Variants in KCNIP4 observed in about 807,000 individuals in gnomAD.
KCNIP4 encodes the protein potassium voltage-gated channel interacting protein 4, also known as Kv channel-interacting protein 4.
In KCNIP4, 12 loss-of-function variants were observed where a neutral mutation model predicts 34.0. That is an observed-to-expected ratio of 0.35 (90% CI 0.23 to 0.57). The LOEUF (loss-of-function observed/expected upper bound fraction) is 0.57, where lower values mean the gene tolerates loss of function less well. KCNIP4 is among the 20% of genes least tolerant of loss of function. The pLI is 0.83. For missense variants in KCNIP4, 238 were observed against 311.7 expected (o/e 0.76, Z 1.78); for synonymous variants, 124 against 102.2 (o/e 1.21, Z -1.29).
intron 1 of KCNIP4, among the ~76,000 whole-genome samples, chr4:21,108,813 G>A (rs28885732): frequency 0.29 from 43,907 of 151,528 alleles, 7,045 homozygotes; most frequent in African/African-American, 0.44. Flanking sequence ...TTTTCCTTCT[G>A]ACAGACAGGA....
At chr4:21,178,461 G>T (rs542391865) in intron 1 of KCNIP4, among the ~76,000 whole-genome samples, 1 of 151,866 alleles carries the variant, frequency 6.6e-6, no homozygotes, top group African/African-American at 2.4e-5. Flanking sequence ...TTCACATGAA[G>T]GTAGTGGATT....
intron 1 of KCNIP4, among the ~76,000 whole-genome samples, chr4:21,719,212 G>T (rs979454596): frequency 6.6e-6 from 1 of 152,130 alleles, no homozygotes; most frequent in Non-Finnish European, 1.5e-5. Flanking sequence ...TAAGTAAGGA[G>T]AAGGAAAAGG....
chr4:21,058,604 T>C (rs1025798471), intron 1 of KCNIP4, among the ~76,000 whole-genome samples: 2 of 152,276 alleles, frequency 1.3e-5, no homozygotes, highest in African/African-American at 4.8e-5. Flanking sequence ...GGAAGAGGAC[T>C]GAGTCAATGT....
intron 1 of KCNIP4, among the ~76,000 whole-genome samples, chr4:21,503,358 A>G (rs1027201247): frequency 2.0e-5 from 3 of 152,218 alleles, no homozygotes; most frequent in Admixed American, 2.0e-4. Context: ...GCAAGCAAGT[A>G]CCTTACATAA....
chr4:20,855,037 G>T (rs1339034290), intron 2 of KCNIP4, among the ~76,000 whole-genome samples: 1 of 152,172 alleles, frequency 6.6e-6, no homozygotes, highest in Non-Finnish European at 1.5e-5. Flanking sequence ...GTAACAAGGA[G>T]TCTTGTTTAA....
At chr4:21,403,786 G>T (rs1312533386) in intron 1 of KCNIP4, among the ~76,000 whole-genome samples, 1 of 152,174 alleles carries the variant, frequency 6.6e-6, no homozygotes, top group Non-Finnish European at 1.5e-5. Flanking sequence ...TTCCAAGAGG[G>T]TGCCCTGTTT....
chr4:21,278,739 A>C lies in KCNIP4; in HGVS notation c.62-396030T>G, dbSNP rs1762593666. On this transcript the variant is annotated intron_variant, in intron 1 of 8. Transcript: ENST00000382152. ...AACAAGAGGAAAGTGTTAAGGAGAG[A>C]TGTCCCCAAGGGCAGAGGGGAGATG... Among the ~76,000 whole-genome samples the C allele has an allele frequency of 2.0e-5, 3 of 150,784 alleles. No individual in the cohort carries two copies. In the Admixed American group the frequency reaches 2.0e-4, roughly 10 times the overall value.
intron 1 of KCNIP4, among the ~76,000 whole-genome samples, chr4:21,310,746 C>T (rs1211653467): frequency 6.6e-6 from 1 of 152,088 alleles, no homozygotes; most frequent in Non-Finnish European, 1.5e-5. Flanking sequence ...ATTCTCCTGC[C>T]TCAGCCTCCC....
chr4:21,780,790 T>C (rs1358841171), intron 1 of KCNIP4, among the ~76,000 whole-genome samples: 1 of 152,214 alleles, frequency 6.6e-6, no homozygotes, highest in Non-Finnish European at 1.5e-5. Flanking sequence ...TCTCTCACAT[T>C]TCTGAAGACT....
chr4:21,351,730 C>A (rs1718021146), intron 1 of KCNIP4, among the ~76,000 whole-genome samples: 1 of 152,108 alleles, frequency 6.6e-6, no homozygotes, highest in African/African-American at 2.4e-5. Flanking sequence ...CATGCACATG[C>A]ACAGAGGTAA....
intron 1 of KCNIP4, among the ~76,000 whole-genome samples, chr4:21,118,735 G>A (rs1749898246): frequency 6.6e-6 from 1 of 152,130 alleles, no homozygotes; most frequent in African/African-American, 2.4e-5. Flanking sequence ...CTTCTCATAT[G>A]TGTTTCCCTG....
chr4:21,827,003 A>T (rs1261584050), intron 1 of KCNIP4, among the ~76,000 whole-genome samples: 1 of 152,108 alleles, frequency 6.6e-6, no homozygotes, highest in Non-Finnish European at 1.5e-5. Flanking sequence ...TCATGAAAAC[A>T]AATCTGAATA....
chr4:20,837,801 C>T (rs1220567086), intron 3 of KCNIP4, among the ~76,000 whole-genome samples: 1 of 151,414 alleles, frequency 6.6e-6, no homozygotes, highest in Non-Finnish European at 1.5e-5. Flanking sequence ...CATGCCTCAG[C>T]CTCCCGAGTA....
intron 1 of KCNIP4, among the ~76,000 whole-genome samples, chr4:21,254,988 C>A (rs1560220395): frequency 1.3e-5 from 2 of 152,162 alleles, no homozygotes; most frequent in African/African-American, 4.8e-5. Context: ...TTTCAATCAT[C>A]TTTTCTTGAA....
chr4:21,593,253 C>T (rs1169859065), intron 1 of KCNIP4, among the ~76,000 whole-genome samples: 1 of 151,934 alleles, frequency 6.6e-6, no homozygotes, highest in Non-Finnish European at 1.5e-5. Flanking sequence ...GAATAAAATT[C>T]TTAACTTATG....
intron 1 of KCNIP4, chr4:21,849,611 C>T (rs555173346): frequency 1.3e-5 from 2 of 151,928 alleles, no homozygotes; most frequent in South Asian, 2.1e-4. Context: ...ACAACTAGTA[C>T]CAGATACGAC....
intron 1 of KCNIP4, among the ~76,000 whole-genome samples, chr4:21,535,673 C>A (rs181925775): frequency 5.3e-5 from 8 of 152,122 alleles, no homozygotes; most frequent in Admixed American, 3.3e-4. Context: ...CTTAATCCTG[C>A]GTTTTAAAAA....
At chr4:21,292,195 T>A (rs1432533484) in intron 1 of KCNIP4, among the ~76,000 whole-genome samples, 2 of 152,170 alleles carry the variant, frequency 1.3e-5, no homozygotes, top group African/African-American at 4.8e-5. Context: ...TTTGGATCGA[T>A]AGTACAAAAT....
Position 21,456,678 on chromosome 4 carries a change from C to T in KCNIP4, c.61+491893G>A, listed in dbSNP as rs982398125. Among the ~76,000 whole-genome samples the T allele has an allele frequency of 1.6e-4, 21 of 129,522 alleles. 1 individual carries two copies. Among genetic ancestry groups the T allele is most frequent in the African/African-American group, 7.6e-4 (20 of 26,460 alleles). 85.0% of individuals were successfully genotyped at this position (129,522 alleles called of 152,430 possible). Reference sequence around the variant, plus strand: ...AAAAATTGGTTTGCCCAGTAAGTCGCGTATTTGTGGGGTCAGCTAGCCTGA... The same window carrying T: ...AAAAATTGGTTTGCCCAGTAAGTCGTGTATTTGTGGGGTCAGCTAGCCTGA... On this transcript the variant is annotated intron_variant, in intron 1 of 8. Transcript: ENST00000382152.
Sources: gnomAD v4.1 joint callset for allele counts (sites outside exome capture counted in the v4.1 genomes callset) on GRCh38, gnomAD v4.1.1 for gene constraint, MANE v1.5 for transcripts, NCBI Gene and HGNC (gene_info 2026-07-23, HGNC 2026-07-21) for gene names.